The following FUT9 variants were observed in gnomAD, a reference collection of about 807,000 sequenced individuals.
The protein encoded by FUT9 is fucosyltransferase 9.
In FUT9, 15 loss-of-function variants were observed where a neutral mutation model predicts 29.7. The ratio of observed to expected loss-of-function variants is 0.51; its 90% confidence interval spans 0.34 to 0.78. The LOEUF (loss-of-function observed/expected upper bound fraction) is 0.78. Ranked by LOEUF, FUT9 falls within the 30% of genes least tolerant of loss-of-function variation. FUT9 has a pLI of 0.01. For missense variants in FUT9, 319 were observed against 425.4 expected, an observed-to-expected ratio of 0.75 and a Z score of 2.20; for synonymous variants, 169 against 153.7, an observed-to-expected ratio of 1.10 and a Z score of -0.74.
chr6:96,119,826 A>G (rs924291953), intron 2 of FUT9, among the ~76,000 whole-genome samples: 2 of 152,198 alleles, frequency 1.3e-5, no homozygotes, highest in African/African-American at 4.8e-5. Context: ...TCCAATCACA[A>G]TGATGACTTC....
intron 1 of FUT9, among the ~76,000 whole-genome samples, chr6:96,055,703 CTTTTTCTTTTTT>C (rs1562110225): frequency 9.6e-6 from 1 of 103,644 alleles, no homozygotes. Flanking sequence ...TTTTCTATTT[CTTTTTCTTTTTT>C]TTTTTTTTTC....
intron 2 of FUT9, among the ~76,000 whole-genome samples, chr6:96,193,842 G>A (rs546603533): frequency 4.1e-4 from 62 of 152,166 alleles, no homozygotes; most frequent in African/African-American, 1.4e-3. Flanking sequence ...AGAGAATGTG[G>A]CACATATACA....
Position 96,203,579 on chromosome 6 carries a change from A to C in FUT9, c.424A>C (p.Thr142Pro). The change falls in exon 3 of 3, where the codon ACT (threonine) becomes CCT (proline). Residue 142 changes from threonine to proline, a missense_variant. Thr to Pro is a conservative substitution (Grantham distance 38, BLOSUM62 -1). Transcript: ENST00000302103. The stretch of plus-strand genomic sequence containing the variant: ...GATGAATTTGGAATCACCAACTCAC[A>C]CTCCCCAAAAGAGTGGCATTGAGCA... ...IWMNLESPTH[T>P]PQKSGIEHLF... The C allele has an allele frequency of 6.2e-6, 10 of 1,613,634 alleles. No individual in the cohort carries two copies. The highest frequency in any genetic ancestry group is 8.5e-6 in the Non-Finnish European group (10 of 1,179,920).
chr6:96,065,197 A>G (rs1770942436), intron 1 of FUT9, among the ~76,000 whole-genome samples: 1 of 152,142 alleles, frequency 6.6e-6, no homozygotes, highest in Non-Finnish European at 1.5e-5. Context: ...TCTGAGACTT[A>G]GTTTCCTTAT....
At chr6:96,118,804 G>T (rs545708540) in intron 2 of FUT9, among the ~76,000 whole-genome samples, 1 of 152,174 alleles carries the variant, frequency 6.6e-6, no homozygotes, top group South Asian at 2.1e-4. Context: ...CAGTGATATT[G>T]ATGATCTTCA....
intron 1 of FUT9, among the ~76,000 whole-genome samples, chr6:96,110,132 A>G (rs894728273): frequency 6.6e-6 from 1 of 152,176 alleles, no homozygotes; most frequent in East Asian, 1.9e-4. Context: ...GGGCCTTTCC[A>G]TCAGGTGCTG....
intron 1 of FUT9, among the ~76,000 whole-genome samples, chr6:96,070,635 C>T (rs1019167360): frequency 2.6e-5 from 4 of 151,702 alleles, no homozygotes; most frequent in South Asian, 2.1e-4. Flanking sequence ...TACAGTGAGC[C>T]GAGATTGTGC....
chr6:96,120,446 T>A (rs192847141), intron 2 of FUT9, among the ~76,000 whole-genome samples: 158 of 150,386 alleles, frequency 1.1e-3, no homozygotes, highest in Non-Finnish European at 7.7e-4. Flanking sequence ...AATTTTTTTT[T>A]AATTTTTTTT....
chr6:96,058,657 G>A (rs2127942514), intron 1 of FUT9, among the ~76,000 whole-genome samples: 1 of 152,198 alleles, frequency 6.6e-6, no homozygotes, highest in Non-Finnish European at 1.5e-5. Context: ...AATGTTTAAC[G>A]CAGCGGGACC....
intron 2 of FUT9, among the ~76,000 whole-genome samples, chr6:96,170,063 A>G (rs1236331643): frequency 3.9e-5 from 6 of 152,166 alleles, no homozygotes; most frequent in African/African-American, 1.4e-4. Context: ...TTGCATTCTG[A>G]TATGTTTTGA....
chr6:96,087,279 T>C lies in FUT9; in HGVS notation c.-97-26760T>C, dbSNP rs558446249. Among the ~76,000 whole-genome samples the C allele has an allele frequency of 3.7e-4, 57 of 152,242 alleles. No individual in the cohort carries two copies. The Middle Eastern group carries it at 0.01, about 27-fold the overall frequency. On this transcript the variant is annotated intron_variant, in intron 1 of 2. Coordinates refer to ENST00000302103, the MANE Select transcript of FUT9 (RefSeq NM_006581.4). ...AGATTTGTGGTGTATATTTTTAACT[T>C]ATCATAGTCTACCTCCAAGTAACAT...
chr6:96,102,470 T>A (rs1771604589), intron 1 of FUT9, among the ~76,000 whole-genome samples: 1 of 152,188 alleles, frequency 6.6e-6, no homozygotes, highest in South Asian at 2.1e-4. Context: ...TGCCTTGAAT[T>A]TTTTTGGCCA....
At chr6:96,022,173 A>C (rs561820182) in intron 1 of FUT9, among the ~76,000 whole-genome samples, 8 of 152,124 alleles carry the variant, frequency 5.3e-5, no homozygotes, top group African/African-American at 1.7e-4. Flanking sequence ...ACGATGTTTC[A>C]CTGCCCTGAC....
chr6:96,082,806 G>A (rs1300914546), intron 1 of FUT9, among the ~76,000 whole-genome samples: 1 of 151,816 alleles, frequency 6.6e-6, no homozygotes, highest in Non-Finnish European at 1.5e-5. Context: ...CTAACTTACT[G>A]GGGATTTCTT....
intron 1 of FUT9, among the ~76,000 whole-genome samples, chr6:96,112,380 A>T (rs969499749): frequency 6.6e-6 from 1 of 152,216 alleles, no homozygotes; most frequent in African/African-American, 2.4e-5. Flanking sequence ...GAAAAAGAAC[A>T]ATTAGGTGAT....
intron 2 of FUT9, among the ~76,000 whole-genome samples, chr6:96,198,831 C>A (rs1487116159): frequency 6.6e-6 from 1 of 152,082 alleles, no homozygotes; most frequent in Non-Finnish European, 1.5e-5. Flanking sequence ...GAGATGGTAT[C>A]TCATTGTGGT....
At chr6:96,023,402 C>T (rs1770108275) in intron 1 of FUT9, among the ~76,000 whole-genome samples, 1 of 152,042 alleles carries the variant, frequency 6.6e-6, no homozygotes, top group African/African-American at 2.4e-5. Context: ...GGCTGATTAA[C>T]AGGACATCAT....
chr6:96,185,256 G>C (rs572215244), intron 2 of FUT9, among the ~76,000 whole-genome samples: 1 of 152,092 alleles, frequency 6.6e-6, no homozygotes, highest in Admixed American at 6.6e-5. Flanking sequence ...AATAGTGAAT[G>C]CTTCATTATA....
intron 2 of FUT9, among the ~76,000 whole-genome samples, chr6:96,162,793 G>A (rs1020327912): frequency 2.0e-5 from 3 of 152,144 alleles, no homozygotes; most frequent in Non-Finnish European, 4.4e-5. Context: ...TCTTTGCGTT[G>A]TAATTCACTG....
Sources: allele counts gnomAD v4.1 joint callset (sites outside exome capture counted in the v4.1 genomes callset), GRCh38; gene constraint gnomAD v4.1.1; transcripts MANE v1.5; gene names NCBI Gene and HGNC (gene_info 2026-07-23, HGNC 2026-07-21).